PACRG: variants seen among roughly 807,000 people sequenced by gnomAD.
PACRG encodes parkin coregulated, also known as parkin coregulated gene protein.
Under a neutral mutation model 29.7 loss-of-function variants are expected in PACRG, and 29 were observed. The observed-to-expected ratio is 0.98, with a 90% CI of 0.73 to 1.33. PACRG has a LOEUF of 1.33. PACRG is among the 40% of genes most tolerant of loss of function. The pLI is 0.00. For synonymous variants in PACRG, 116 were observed against 118.7 expected (o/e 0.98, Z 0.15); for missense variants, 279 against 316.2 (o/e 0.88, Z 0.89).
chr6:162,732,881 G>C (rs1410117312), intron 1 of PACRG, among the ~76,000 whole-genome samples: 2 of 152,190 alleles, frequency 1.3e-5, no homozygotes, highest in Admixed American at 1.3e-4. Context: ...GGGCCAGCAA[G>C]GTCTTGTGTG....
intron 4 of PACRG, among the ~76,000 whole-genome samples, chr6:163,187,114 CAA>C (rs1491534707): frequency 1.3e-5 from 2 of 152,224 alleles, no homozygotes; most frequent in Non-Finnish European, 1.5e-5. Context: ...CTGTTTTTCT[CAA>C]AGTCTGTTTT....
chr6:163,060,638 A>G (rs1252684837), intron 2 of PACRG, among the ~76,000 whole-genome samples: 4 of 152,150 alleles, frequency 2.6e-5, no homozygotes, highest in African/African-American at 4.8e-5. Context: ...GACTCCCTCT[A>G]CATCCCCAGC....
At chr6:162,812,518 G>A (rs1294524623) in intron 1 of PACRG, among the ~76,000 whole-genome samples, 4 of 151,720 alleles carry the variant, frequency 2.6e-5, no homozygotes, top group Admixed American at 1.3e-4. Context: ...TTTTTTGAGG[G>A]TGTTAAAATG....
At chr6:162,910,405 G>A (rs952394369) in intron 2 of PACRG, among the ~76,000 whole-genome samples, 3 of 152,130 alleles carry the variant, frequency 2.0e-5, no homozygotes, top group Non-Finnish European at 4.4e-5. Flanking sequence ...TTGTCCTAAT[G>A]ATTACTTTCT....
At chr6:163,074,446 A>C (rs35238901) in intron 3 of PACRG, among the ~76,000 whole-genome samples, 1,958 of 152,264 alleles carry the variant, frequency 0.013, 18 homozygotes, top group Non-Finnish European at 0.021. Context: ...GGGGATGGTT[A>C]GAAGGTACAA....
intron 1 of PACRG, among the ~76,000 whole-genome samples, chr6:162,783,666 A>G (rs1009119869): frequency 6.6e-6 from 1 of 151,996 alleles, no homozygotes; most frequent in Non-Finnish European, 1.5e-5. Flanking sequence ...TTATTCTTGT[A>G]CTTACATCTC....
intron 2 of PACRG, among the ~76,000 whole-genome samples, chr6:162,841,513 T>A (rs1789765326): frequency 6.6e-6 from 1 of 152,182 alleles, no homozygotes; most frequent in African/African-American, 2.4e-5. Flanking sequence ...TTGCTAGCAG[T>A]CTATCAATTT....
chr6:163,226,407 G>C lies in PACRG; in HGVS notation c.614-88420G>C, dbSNP rs142137460. On this transcript the variant is annotated intron_variant, in intron 4 of 4. Coordinates refer to ENST00000366888, the MANE Select transcript of PACRG (RefSeq NM_001080379.2). ...AGGTGATGGATATGCTAATAAGCTT[G>C]ATGTAATCATCCCACAGGGTATGGC... Among the ~76,000 whole-genome samples, 27 of 152,370 alleles carry C rather than the reference G, an allele frequency of 1.8e-4. No homozygotes were observed. The East Asian group carries it at 5.2e-3, about 29-fold the overall frequency.
rs371106004 is a variant in PACRG, at chr6:162,748,213, C to T, written c.156+19822C>T. The stretch of plus-strand genomic sequence containing the variant: ...CCAAGTCAGAACTTGTATTCAGGGC[C>T]GGGGCTGTGGCTCACGCCTGTAATT... On this transcript the variant is annotated intron_variant, in intron 1 of 4. Transcript: ENST00000366888. Among the ~76,000 whole-genome samples the T allele has an allele frequency of 1.5e-4, 23 of 152,046 alleles. No individual in the cohort carries two copies. The East Asian group carries it at 2.9e-3, about 19-fold the overall frequency.
intron 4 of PACRG, among the ~76,000 whole-genome samples, chr6:163,166,663 C>A (rs1353048585): frequency 6.6e-6 from 1 of 152,146 alleles, no homozygotes; most frequent in Admixed American, 6.5e-5. Flanking sequence ...TCAGCCATAT[C>A]TTCCCAAAGC....
At chr6:163,084,962 G>T (rs1813422631) in intron 3 of PACRG, among the ~76,000 whole-genome samples, 1 of 148,368 alleles carries the variant, frequency 6.7e-6, no homozygotes, top group African/African-American at 2.5e-5. Context: ...GCATACCCAG[G>T]CTGTTTTATT....
At chr6:163,033,268 T>C (rs1294034730) in intron 2 of PACRG, among the ~76,000 whole-genome samples, 1 of 152,232 alleles carries the variant, frequency 6.6e-6, no homozygotes, top group Non-Finnish European at 1.5e-5. Context: ...GTATTAGATG[T>C]GGGGCCTAGG....
intron 4 of PACRG, among the ~76,000 whole-genome samples, chr6:163,210,584 A>T (rs367801605): frequency 6.6e-6 from 1 of 152,246 alleles, no homozygotes; most frequent in East Asian, 1.9e-4. Context: ...CACATGGATG[A>T]TATCTACTGC....
At chr6:163,113,375 A>G (rs1405084108) in intron 4 of PACRG, among the ~76,000 whole-genome samples, 1 of 152,208 alleles carries the variant, frequency 6.6e-6, no homozygotes, top group African/African-American at 2.4e-5. Flanking sequence ...ATATGATGAA[A>G]GCCATGAATG....
intron 4 of PACRG, among the ~76,000 whole-genome samples, chr6:163,242,579 G>A (rs546733188): frequency 9.8e-5 from 15 of 152,336 alleles, no homozygotes; most frequent in Admixed American, 9.2e-4. Flanking sequence ...GCACAGAAGG[G>A]TGATGGGATA....
chr6:162,907,478 G>T (rs13202426), intron 2 of PACRG, among the ~76,000 whole-genome samples: 1 of 152,088 alleles, frequency 6.6e-6, no homozygotes. Flanking sequence ...GGGAAGGGAA[G>T]AGAGTAGAAA....
intron 2 of PACRG, among the ~76,000 whole-genome samples, chr6:163,029,954 A>G (rs557781888): frequency 6.6e-6 from 1 of 152,328 alleles, no homozygotes; most frequent in East Asian, 1.9e-4. Context: ...GTAATTGTGA[A>G]CAAGAGAGGG....
intron 2 of PACRG, among the ~76,000 whole-genome samples, chr6:162,989,608 T>C (rs1291547100): frequency 1.3e-5 from 2 of 152,160 alleles, no homozygotes; most frequent in Admixed American, 6.6e-5. Flanking sequence ...AAAATGTCTG[T>C]TCATATTCAG....
Position 163,144,339 on chromosome 6 carries a change from CACAT to C in PACRG, c.613+54939_613+54942del, listed in dbSNP as rs201009333. On this transcript the variant is annotated intron_variant, in intron 4 of 4. Transcript: ENST00000366888. ...GCATGAAAAGCAACACACATACACACACATACATACACACACACACACACACACA... is the reference window on the plus strand; with the variant it reads ...GCATGAAAAGCAACACACATACACACACATACACACACACACACACACACA... Among the ~76,000 whole-genome samples, 1,221 of 139,590 alleles carry C rather than the reference CACAT, an allele frequency of 8.7e-3. 13 individuals are homozygous for C. Among genetic ancestry groups the C allele is most frequent in the African/African-American group, 0.031 (1,033 of 33,570 alleles). 91.6% of individuals were successfully genotyped at this position (139,590 alleles called of 152,430 possible).
Sources: allele counts gnomAD v4.1 joint callset (sites outside exome capture counted in the v4.1 genomes callset), GRCh38; gene constraint gnomAD v4.1.1; transcripts MANE v1.5; gene names NCBI Gene and HGNC (gene_info 2026-07-23, HGNC 2026-07-21).